PTPRQ: variants seen among roughly 807,000 people sequenced by gnomAD.
PTPRQ encodes the protein protein tyrosine phosphatase receptor type Q, also known as phosphatidylinositol phosphatase PTPRQ.
PTPRQ carries 199 observed loss-of-function variants against 246.0 expected under a neutral mutation model. That is an observed-to-expected ratio of 0.81 (90% CI 0.72 to 0.91). The LOEUF (loss-of-function observed/expected upper bound fraction) is 0.91, where lower values mean the gene tolerates loss of function less well. Among genes scored for constraint, PTPRQ ranks in the 40% least tolerant of loss-of-function variants. The pLI is 0.00. For missense variants in PTPRQ, 2,624 were observed against 2,528.4 expected (o/e 1.04, Z -0.81); for synonymous variants, 869 against 853.2 (o/e 1.02, Z -0.32).
intron 9 of PTPRQ, among the ~76,000 whole-genome samples, chr12:80,487,229 A>G (rs139110325): frequency 6.6e-6 from 1 of 152,212 alleles, no homozygotes; most frequent in East Asian, 1.9e-4. Context: ...TCCCCATAAA[A>G]CAAAACAGAA....
chr12:80,661,546 C>T (rs1216897207), intron 39 of PTPRQ, among the ~76,000 whole-genome samples: 2 of 151,206 alleles, frequency 1.3e-5, no homozygotes, highest in Non-Finnish European at 3.0e-5. Flanking sequence ...CATATATGTA[C>T]ACATACACAC....
chr12:80,620,495 G>A lies in PTPRQ; in HGVS notation c.5612+119G>A, dbSNP rs17006999. ...GCACTGGATGTCCGCCACGTATAGT[G>A]ACCTGATTTTTCTGGCACTAGGAAT... On this transcript the variant is annotated intron_variant, in intron 32 of 44. Coordinates refer to ENST00000644991, the MANE Select transcript of PTPRQ (RefSeq NM_001145026.2). 3,951 of 1,393,282 alleles carry A rather than the reference G, an allele frequency of 2.8e-3. 92 individuals are homozygous for A. In the African/African-American group the frequency reaches 0.05, roughly 18 times the overall value. 86.3% of individuals were successfully genotyped at this position (1,393,282 alleles called of 1,614,324 possible).
At chr12:80,529,729 A>G (rs545414749) in intron 17 of PTPRQ, among the ~76,000 whole-genome samples, 12 of 152,314 alleles carry the variant, frequency 7.9e-5, no homozygotes, top group African/African-American at 1.7e-4. Flanking sequence ...ATTTATCCCA[A>G]TTGAAGACTT....
chr12:80,476,434 A>T (rs1213859475), intron 8 of PTPRQ, among the ~76,000 whole-genome samples: 1 of 152,122 alleles, frequency 6.6e-6, no homozygotes, highest in Non-Finnish European at 1.5e-5. Flanking sequence ...TGATCATATG[A>T]TCAATGCTCA....
At chr12:80,589,448 AT>A (rs1316173963) in intron 26 of PTPRQ, among the ~76,000 whole-genome samples, 4 of 152,286 alleles carry the variant, frequency 2.6e-5, no homozygotes, top group Non-Finnish European at 5.9e-5. Context: ...TTCCTTTCAA[AT>A]CCAAATTACA....
chr12:80,670,178 T>C (rs1900923901), intron 41 of PTPRQ, among the ~76,000 whole-genome samples, 166 bp from the exon 42 acceptor site: 1 of 152,160 alleles, frequency 6.6e-6, no homozygotes, highest in Non-Finnish European at 1.5e-5. Context: ...ATTCTCTTTA[T>C]TGTAACAATA....
chr12:80,522,328 T>A (rs2120759926), intron 17 of PTPRQ, among the ~76,000 whole-genome samples: 1 of 152,304 alleles, frequency 6.6e-6, no homozygotes, highest in African/African-American at 2.4e-5. Flanking sequence ...TTTGACTTCC[T>A]CTTTTCCTAA....
intron 35 of PTPRQ, among the ~76,000 whole-genome samples, chr12:80,640,092 T>G (rs570407862): frequency 6.6e-6 from 1 of 151,216 alleles, no homozygotes; most frequent in South Asian, 2.1e-4. Flanking sequence ...CTAGAGAAGA[T>G]TAATGTAAAC....
intron 17 of PTPRQ, among the ~76,000 whole-genome samples, chr12:80,532,387 A>AT (rs940449355): frequency 2.0e-5 from 3 of 151,716 alleles, no homozygotes; most frequent in African/African-American, 7.3e-5. Context: ...CGCAGGGCTA[A>AT]TTTTTTTATT....
intron 24 of PTPRQ, 103 bp from the exon 25 acceptor site, chr12:80,549,362 T>G: frequency 7.5e-7 from 1 of 1,329,588 alleles, no homozygotes; most frequent in Admixed American, 3.0e-5. Context: ...TTAAATATTT[T>G]TCTAGTTCTA....
rs1320152073 is a variant in PTPRQ, at chr12:80,444,876, T to TA, written c.163+29dup. On this transcript the variant is annotated intron_variant, in intron 2 of 44. Coordinates refer to ENST00000644991, the MANE Select transcript of PTPRQ (RefSeq NM_001145026.2). ...TGAGTATATGTTTTAAATTACTTTG[T>TA]AAGTAAAGTATTTGGAGTCAGTATA... 2.7e-6 allele frequency: 4 copies of TA among 1,487,716 alleles called. No individual in the cohort carries two copies. In the African/African-American group the frequency reaches 5.6e-5, roughly 21 times the overall value. 92.2% of individuals were successfully genotyped at this position (1,487,716 alleles called of 1,614,324 possible). A position where few individuals can be genotyped will look rare whatever the true frequency, so the allele number is the denominator to read the frequency against.
intron 22 of PTPRQ, 108 bp downstream of exon 22, chr12:80,542,472 A>G: frequency 7.1e-7 from 1 of 1,412,520 alleles, no homozygotes; most frequent in Non-Finnish European, 9.3e-7. Context: ...GTCTATTTGT[A>G]ACAGCCTTAC....
chr12:80,542,762 A>C lies in PTPRQ; in HGVS notation c.3754A>C (p.Ile1252Leu). ...PLAPPQNLTLINCTSDFVWLK... is the reference protein window; with the variant it reads ...PLAPPQNLTLLNCTSDFVWLK... ...AGCACCTCCACAAAATTTGACTTTAATCAACTGTACTTCAGACTTTGTATG... is the reference window on the plus strand; with the variant it reads ...AGCACCTCCACAAAATTTGACTTTACTCAACTGTACTTCAGACTTTGTATG... The change falls in exon 23 of 45, where the codon ATC (isoleucine) becomes CTC (leucine). Residue 1252 changes from isoleucine to leucine, a missense_variant. Coordinates refer to ENST00000644991, the MANE Select transcript of PTPRQ (RefSeq NM_001145026.2). 4 of 1,547,792 alleles carry C rather than the reference A, an allele frequency of 2.6e-6. No individual in the cohort carries two copies. Among genetic ancestry groups the C allele is most frequent in the Non-Finnish European group, 2.6e-6 (3 of 1,145,660 alleles).
At position 80,496,009 on chromosome 12, in the gene PTPRQ, A is replaced by G; in HGVS notation, c.1893A>G (p.Lys631=). Residue 631 remains lysine, a synonymous_variant, in exon 13 of 45, where the codon AAA becomes AAG. Coordinates refer to ENST00000644991, the MANE Select transcript of PTPRQ (RefSeq NM_001145026.2). ...DNSFLITGLK[K]YTKYKMRVAA... ...CTCTTGTCCTTATAGGGTTAAAGAAATACACAAAATACAAAATGAGAGTGG... is the reference window on the plus strand; with the variant it reads ...CTCTTGTCCTTATAGGGTTAAAGAAGTACACAAAATACAAAATGAGAGTGG... 2 of 1,549,718 alleles carry G rather than the reference A, an allele frequency of 1.3e-6. No homozygotes were observed. Among genetic ancestry groups the G allele is most frequent in the African/African-American group, 1.4e-5 (1 of 73,026 alleles).
intron 20 of PTPRQ, among the ~76,000 whole-genome samples, chr12:80,540,475 T>C (rs1896119729): frequency 6.6e-6 from 1 of 152,130 alleles, no homozygotes; most frequent in Non-Finnish European, 1.5e-5. Context: ...CTTGATGTTT[T>C]TTATGTTTCA....
intron 25 of PTPRQ, among the ~76,000 whole-genome samples, chr12:80,565,212 G>T (rs1896943097): frequency 6.6e-6 from 1 of 152,108 alleles, no homozygotes; most frequent in African/African-American, 2.4e-5. Context: ...AAATTTAAAA[G>T]TTCTTTAAAT....
chr12:80,444,407 G>A lies in PTPRQ; in HGVS notation c.54+8G>A, dbSNP rs372908419. On this transcript the variant is annotated splice_region_variant and intron_variant, in intron 1 of 44. Transcript: ENST00000644991. ...GGGACTTCAGAGACACAGGTATTTC[G>A]TATACACTCTTTAAAAACAAGGGCT... 170 of 1,417,752 alleles carry A rather than the reference G, an allele frequency of 1.2e-4. 1 individual carries two copies. The African/African-American group carries it at 1.4e-3, about 12-fold the overall frequency. 87.8% of individuals were successfully genotyped at this position (1,417,752 alleles called of 1,614,324 possible).
intron 25 of PTPRQ, among the ~76,000 whole-genome samples, chr12:80,558,119 C>CTTTCTTTTCTTTTCTTTTCT (rs370347187): frequency 0.057 from 5,461 of 95,544 alleles, 277 homozygotes; most frequent in East Asian, 0.086. Flanking sequence ...TCTTTTCTTT[C>CTTTCTTTTCTTTTCTTTTCT]TTTCTTTTCT....
chr12:80,638,549 A>G (rs1899741316), intron 35 of PTPRQ, among the ~76,000 whole-genome samples: 1 of 152,206 alleles, frequency 6.6e-6, no homozygotes, highest in Non-Finnish European at 1.5e-5. Flanking sequence ...TTGTGGTTTC[A>G]TATTTTAGAA....
Sources: allele counts gnomAD v4.1 joint callset (sites outside exome capture counted in the v4.1 genomes callset), GRCh38; gene constraint gnomAD v4.1.1; transcripts MANE v1.5; gene names NCBI Gene and HGNC (gene_info 2026-07-23, HGNC 2026-07-21).